The following RANBP2 variants were observed in gnomAD, a reference collection of about 807,000 sequenced individuals.
The protein encoded by RANBP2 is RAN binding protein 2.
Under a neutral mutation model 303.6 loss-of-function variants are expected in RANBP2, and 57 were observed. That is an observed-to-expected ratio of 0.19 (90% CI 0.15 to 0.23). The LOEUF is 0.23. Among genes scored for constraint, RANBP2 ranks in the 10% least tolerant of loss-of-function variants. The pLI is 1.00. For missense variants in RANBP2, 3,138 were observed against 3,780.8 expected, an observed-to-expected ratio of 0.83 and a Z score of 4.46; for synonymous variants, 1,167 against 1,301.5, an observed-to-expected ratio of 0.90 and a Z score of 2.23.
At chr2:108,743,254 T>G (rs1164697078) in intron 7 of RANBP2, among the ~76,000 whole-genome samples, 1 of 152,158 alleles carries the variant, frequency 6.6e-6, no homozygotes, top group Non-Finnish European at 1.5e-5. Context: ...TGTGAGCTAC[T>G]ATGCACAGCC....
chr2:109,674,131 A>C, the RANBP2 span, among the ~76,000 whole-genome samples: 148,505 of 152,052 alleles, frequency 0.98, 72,602 homozygotes, highest in Non-Finnish European at 1. Context: ...TGGCCTCCCC[A>C]GCACTCCTTT....
the RANBP2 span, among the ~76,000 whole-genome samples, chr2:109,207,822 T>A: frequency 7.2e-5 from 11 of 152,104 alleles, no homozygotes; most frequent in South Asian, 4.2e-4. Context: ...TTTTCTTTTT[T>A]AAAAAAAATT....
chr2:109,083,661 T>G, the RANBP2 span, among the ~76,000 whole-genome samples: 1 of 152,146 alleles, frequency 6.6e-6, no homozygotes, highest in African/African-American at 2.4e-5. Flanking sequence ...TTCTTCTGGA[T>G]ATACTCAGAA....
At chr2:108,883,249 G>A in the RANBP2 span, 8 of 152,184 alleles carry the variant, frequency 5.3e-5, no homozygotes, top group African/African-American at 1.9e-4. Context: ...TGGCAAATCT[G>A]TAGCACCCAG....
At chr2:109,481,767 G>C in the RANBP2 span, among the ~76,000 whole-genome samples, 2 of 151,940 alleles carry the variant, frequency 1.3e-5, no homozygotes, top group African/African-American at 4.8e-5. Context: ...GTCACTCCTC[G>C]GCCTCCCCTC....
the RANBP2 span, among the ~76,000 whole-genome samples, chr2:109,214,553 A>G: frequency 1.3e-4 from 20 of 152,134 alleles, no homozygotes; most frequent in Middle Eastern, 6.8e-3. Context: ...AAGAAATTTC[A>G]TTGACATGAA....
At chr2:109,440,412 G>C in the RANBP2 span, among the ~76,000 whole-genome samples, 2 of 152,218 alleles carry the variant, frequency 1.3e-5, no homozygotes, top group African/African-American at 2.4e-5. Flanking sequence ...GAGCATGGAG[G>C]TTCTTCTAGA....
the RANBP2 span, among the ~76,000 whole-genome samples, chr2:109,612,888 A>T: frequency 3.9e-5 from 6 of 152,246 alleles, no homozygotes; most frequent in Non-Finnish European, 7.3e-5. Flanking sequence ...CGGATCCTCT[A>T]ATCTCTCAGC....
chr2:109,005,901 G>C, the RANBP2 span, among the ~76,000 whole-genome samples: 1 of 152,196 alleles, frequency 6.6e-6, no homozygotes, highest in Admixed American at 6.5e-5. Context: ...GGTGCCCACC[G>C]CCTTTATCCA....
At chr2:109,158,869 C>A in the RANBP2 span, among the ~76,000 whole-genome samples, 1 of 152,176 alleles carries the variant, frequency 6.6e-6, no homozygotes, top group East Asian at 1.9e-4. Context: ...ACAAGCCAGC[C>A]AGCTGTGAAG....
At chr2:109,013,020 G>A in the RANBP2 span, among the ~76,000 whole-genome samples, 1 of 152,346 alleles carries the variant, frequency 6.6e-6, no homozygotes, top group South Asian at 2.1e-4. Context: ...GCCGAGTAGG[G>A]CGAAACTCCA....
chr2:109,007,869 A>G, the RANBP2 span, among the ~76,000 whole-genome samples: 1 of 20,498 alleles, frequency 4.9e-5, no homozygotes, highest in Non-Finnish European at 9.4e-5. Flanking sequence ...ATGCTCACAT[A>G]ATCAAGAAAC....
chr2:109,142,290 G>A, the RANBP2 span, among the ~76,000 whole-genome samples: 1 of 152,314 alleles, frequency 6.6e-6, no homozygotes, highest in South Asian at 2.1e-4. Context: ...GTGTTCTCAG[G>A]AATAGGTGTT....
chr2:108,877,316 G>C, the RANBP2 span, among the ~76,000 whole-genome samples: 1 of 147,900 alleles, frequency 6.8e-6, no homozygotes, highest in Admixed American at 6.8e-5. Context: ...AAAAAAAACA[G>C]AATTAGCCAG....
chr2:109,079,605 C>T, the RANBP2 span, among the ~76,000 whole-genome samples: 126 of 152,340 alleles, frequency 8.3e-4, 1 homozygote, highest in African/African-American at 3.0e-3. Context: ...TCAGATGGCA[C>T]AGCTGGCCCT....
At chr2:108,882,251 C>G in the RANBP2 span, 1 of 151,852 alleles carries the variant, frequency 6.6e-6, no homozygotes, top group South Asian at 2.1e-4. Context: ...ATGCAAATTA[C>G]CAAAATGTGA....
At chr2:109,633,685 A>T in the RANBP2 span, among the ~76,000 whole-genome samples, 3 of 152,264 alleles carry the variant, frequency 2.0e-5, no homozygotes, top group African/African-American at 7.2e-5. Context: ...CTCCCAAAAT[A>T]AAGCCAAGAT....
At chr2:109,056,196 T>C in the RANBP2 span, among the ~76,000 whole-genome samples, 1 of 151,186 alleles carries the variant, frequency 6.6e-6, no homozygotes, top group Non-Finnish European at 1.5e-5. Flanking sequence ...CTGGGTCTTG[T>C]TCTCTTCACC....
the RANBP2 span, among the ~76,000 whole-genome samples, chr2:109,105,234 C>T: frequency 4.6e-5 from 7 of 152,168 alleles, no homozygotes; most frequent in Non-Finnish European, 7.4e-5. Context: ...AGAGGCAAAA[C>T]GGTGGAATTT....
Sources: gnomAD v4.1 joint callset for allele counts (sites outside exome capture counted in the v4.1 genomes callset) on GRCh38, gnomAD v4.1.1 for gene constraint, MANE v1.5 for transcripts, NCBI Gene and HGNC (gene_info 2026-07-23, HGNC 2026-07-21) for gene names.